The following EIF2AK1 variants were observed in gnomAD, a reference collection of about 807,000 sequenced individuals.
EIF2AK1 encodes eukaryotic translation initiation factor 2 alpha kinase 1, also known as eukaryotic translation initiation factor 2-alpha kinase 1.
In EIF2AK1, 54 loss-of-function variants were observed where a neutral mutation model predicts 77.9. That is an observed-to-expected ratio of 0.69 (90% CI 0.56 to 0.87). The LOEUF (loss-of-function observed/expected upper bound fraction) is 0.87. Among genes scored for constraint, EIF2AK1 ranks in the 40% least tolerant of loss-of-function variants. The pLI is 0.00. For synonymous variants in EIF2AK1, 314 were observed against 290.5 expected (o/e 1.08, Z -0.82); for missense variants, 810 against 768.6 (o/e 1.05, Z -0.64).
chr7:6,055,982 CAA>C (rs755531680), intron 1 of EIF2AK1, among the ~76,000 whole-genome samples: 2 of 23,986 alleles, frequency 8.3e-5, no homozygotes, highest in African/African-American at 1.9e-4. Context: ...AACTCTGTCT[CAA>C]AAAAAAAAAA....
chr7:6,054,699 C>T lies in EIF2AK1; in HGVS notation c.124G>A (p.Asp42Asn). The T allele has an allele frequency of 6.2e-7, 1 of 1,612,574 alleles. No individual in the cohort carries two copies. The highest frequency in any genetic ancestry group is 1.7e-4 in the Middle Eastern group (1 of 6,046). The part of the protein sequence containing the change: ...EGPDPEYDES[D>N]VPAEIQVLKE... ...AACACCTGGATTTCTGCTGGAACATCAGATTCTAAAAATTAAAAAGGAAAA... is the reference window on the plus strand; with the variant it reads ...AACACCTGGATTTCTGCTGGAACATTAGATTCTAAAAATTAAAAAGGAAAA... The change falls in exon 2 of 15, where the codon GAT becomes AAT. Residue 42 changes from aspartate to asparagine, a missense_variant. Transcript: ENST00000199389.
At chr7:6,044,129 A>C (rs146662726) in intron 7 of EIF2AK1, among the ~76,000 whole-genome samples, 299 of 152,110 alleles carry the variant, frequency 2.0e-3, no homozygotes, top group African/African-American at 6.8e-3. Flanking sequence ...ATAATTTCAC[A>C]TAATTTTCAC....
intron 11 of EIF2AK1, among the ~76,000 whole-genome samples, chr7:6,031,184 T>A (rs1319843804): frequency 1.3e-5 from 2 of 152,212 alleles, no homozygotes; most frequent in African/African-American, 4.8e-5. Flanking sequence ...TAAAAACTGC[T>A]GACATTTGAC....
chr7:6,053,576 G>A (rs1788667225), intron 2 of EIF2AK1, among the ~76,000 whole-genome samples: 1 of 151,804 alleles, frequency 6.6e-6, no homozygotes, highest in Non-Finnish European at 1.5e-5. Flanking sequence ...TGTTAGCCAG[G>A]ATGGTCTCGA....
At chr7:6,031,630 C>A in intron 11 of EIF2AK1, 1 of 1,542,096 alleles carries the variant, frequency 6.5e-7, no homozygotes, top group South Asian at 1.2e-5. Context: ...GGAAAAAAGT[C>A]AGGCTGCTTA....
In EIF2AK1 at chr7:6,035,273, A is replaced by C. The variant is rs939198617; in HGVS notation, c.1332+2151T>G. On this transcript the variant is annotated intron_variant, in intron 11 of 14. Coordinates refer to ENST00000199389, the MANE Select transcript of EIF2AK1 (RefSeq NM_014413.4). The surrounding 1 kb of genome is among the most constrained non-coding windows in gnomAD (Gnocchi z 5.5). ...ATGCATCCCACCACATCCCACGAAA[A>C]ACCCTGGGATAGCCTGAGAAACTAC... Among the ~76,000 whole-genome samples the C allele has an allele frequency of 6.6e-6, 1 of 152,176 alleles. No homozygotes were observed. The highest frequency in any genetic ancestry group is 2.4e-5 in the African/African-American group (1 of 41,444).
intron 9 of EIF2AK1, among the ~76,000 whole-genome samples, chr7:6,039,613 T>C (rs1380125671): frequency 8.4e-5 from 6 of 71,494 alleles, no homozygotes; most frequent in South Asian, 4.8e-4. Flanking sequence ...AGAGCAAGAC[T>C]CCATCTCCAA....
intron 11 of EIF2AK1, chr7:6,031,732 A>C (rs113609540): frequency 4.9e-6 from 4 of 821,332 alleles, no homozygotes; most frequent in South Asian, 1.7e-5. Flanking sequence ...CACACACTGC[A>C]GTGCTCCCCA....
At chr7:6,044,080 C>T (rs1474382137) in intron 7 of EIF2AK1, among the ~76,000 whole-genome samples, 1 of 151,572 alleles carries the variant, frequency 6.6e-6, no homozygotes, top group Non-Finnish European at 1.5e-5. Context: ...GCCTGGGTGA[C>T]AGAGCGAGAC....
In EIF2AK1 at chr7:6,035,931, G is replaced by T; in HGVS notation, c.1332+1493C>A. 1 of 1,547,242 alleles carries T rather than the reference G, an allele frequency of 6.5e-7. No individual in the cohort carries two copies. The highest frequency in any genetic ancestry group is 2.4e-5 in the East Asian group (1 of 40,856). ...CTGCATCCGTCTGCTACTCACTCAC[G>T]GAGCCAAAGTCAACGCCCAGGACTA... On this transcript the variant is annotated intron_variant, in intron 11 of 14. Transcript: ENST00000199389. The surrounding 1 kb of genome is among the most constrained non-coding windows in gnomAD (Gnocchi z 5.5).
chr7:6,024,317 A>C lies in EIF2AK1; in HGVS notation c.*356T>G, dbSNP rs958239146. ...TCAAAACTGGAACAGTCCAGTGAGT[A>C]TGTGCAGGCCCGGGCTTGGGCAGTG... On this transcript the variant is annotated 3_prime_UTR_variant, in exon 15 of 15. Coordinates refer to ENST00000199389, the MANE Select transcript of EIF2AK1 (RefSeq NM_014413.4). The C allele has an allele frequency of 8.2e-7, 1 of 1,218,076 alleles. No individual in the cohort carries two copies. Among genetic ancestry groups the C allele is most frequent in the African/African-American group, 1.6e-5 (1 of 63,600 alleles). The allele number at this position is 1,218,076 out of a possible 1,614,324, so 75.5% of individuals were successfully genotyped here.
intron 9 of EIF2AK1, among the ~76,000 whole-genome samples, chr7:6,040,614 C>G (rs757738186): frequency 5.3e-5 from 8 of 152,140 alleles, no homozygotes; most frequent in Non-Finnish European, 1.0e-4. Flanking sequence ...ACAACACAAA[C>G]AGAGTGTGAG....
chr7:6,034,701 C>T (rs1788025942), intron 11 of EIF2AK1, among the ~76,000 whole-genome samples: 1 of 152,184 alleles, frequency 6.6e-6, no homozygotes, highest in Non-Finnish European at 1.5e-5. Context: ...AAATCATTTT[C>T]TAATTTCAGC....
At chr7:6,058,003 C>T (rs774714139) in intron 1 of EIF2AK1, 14 of 373,948 alleles carry the variant, frequency 3.7e-5, no homozygotes, top group Admixed American at 2.9e-4. Context: ...CTCTATTTCA[C>T]TTTCATCAAA....
In EIF2AK1 at chr7:6,024,552, T is replaced by C. The variant is rs1416231705; in HGVS notation, c.*121A>G. ...GAAGGAACGGCAGCTTGGGGCACTC[T>C]GACATCTTTAACAAGTCTTGTAAAG... On this transcript the variant is annotated 3_prime_UTR_variant, in exon 15 of 15. Coordinates refer to ENST00000199389, the MANE Select transcript of EIF2AK1 (RefSeq NM_014413.4). 9.2e-6 allele frequency: 14 copies of C among 1,517,650 alleles called. No homozygotes were observed. In the East Asian group the frequency reaches 9.5e-5, roughly 10 times the overall value. The allele number at this position is 1,517,650 out of a possible 1,614,324, so 94.0% of individuals were successfully genotyped here.
rs1158334983 is a variant in EIF2AK1, at chr7:6,033,308, T to G, written c.1332+4116A>C. On this transcript the variant is annotated intron_variant, in intron 11 of 14. Transcript: ENST00000199389. The surrounding 1 kb of genome is among the most constrained non-coding windows in gnomAD (Gnocchi z 4.4). ...TTTCTAAGTGAGGATATACCTGATA[T>G]AGATTTTTTTTTCAGTTCATACATT... Among the ~76,000 whole-genome samples, 2 of 152,196 alleles carry G rather than the reference T, an allele frequency of 1.3e-5. No homozygotes were observed. The highest frequency in any genetic ancestry group is 2.9e-5 in the Non-Finnish European group (2 of 68,044).
intron 2 of EIF2AK1, among the ~76,000 whole-genome samples, chr7:6,054,050 C>G (rs978299422): frequency 4.6e-5 from 7 of 151,802 alleles, no homozygotes; most frequent in African/African-American, 1.7e-4. Flanking sequence ...AATACTAGAT[C>G]CAATTTATTC....
chr7:6,046,323 G>A (rs1465249782), intron 5 of EIF2AK1, 172 bp from the exon 6 acceptor site: 1 of 387,180 alleles, frequency 2.6e-6, no homozygotes. Flanking sequence ...GAGCTTTTCA[G>A]ATAGTGTTGG....
rs150874145 is a variant in EIF2AK1, at chr7:6,023,383, T to C, written c.*1290A>G. The C allele has an allele frequency of 7.9e-5, 127 of 1,614,002 alleles. 1 individual carries two copies. The highest frequency in any genetic ancestry group is 1.0e-4 in the Non-Finnish European group (123 of 1,180,018). ...AGGGAACATTGCACGTTTCTTGTTCTCTCTGTTTGGCCAGAAGCATAATGC... is the reference window on the plus strand; with the variant it reads ...AGGGAACATTGCACGTTTCTTGTTCCCTCTGTTTGGCCAGAAGCATAATGC... On this transcript the variant is annotated 3_prime_UTR_variant, in exon 15 of 15. Coordinates refer to ENST00000199389, the MANE Select transcript of EIF2AK1 (RefSeq NM_014413.4).
Sources: gnomAD v4.1 joint callset for allele counts (sites outside exome capture counted in the v4.1 genomes callset) on GRCh38, gnomAD v4.1.1 for gene constraint, Gnocchi (gnomAD v3.1) non-coding constraint, MANE v1.5 for transcripts, NCBI Gene and HGNC (gene_info 2026-07-23, HGNC 2026-07-21) for gene names.